Variants in RPA1 observed in about 807,000 individuals in gnomAD.
The protein encoded by RPA1 is replication protein A1, also known as replication protein A 70 kDa DNA-binding subunit.
A neutral mutation model predicts 83.0 loss-of-function variants in RPA1; 49 were observed. The ratio of observed to expected loss-of-function variants is 0.59; its 90% CI spans 0.47 to 0.75. The LOEUF (loss-of-function observed/expected upper bound fraction) is 0.75. RPA1 is among the 30% of genes least tolerant of loss of function. The pLI is 0.00. For missense variants in RPA1, 693 were observed against 776.1 expected, an observed-to-expected ratio of 0.89 and a Z score of 1.27; for synonymous variants, 279 against 281.8, an observed-to-expected ratio of 0.99 and a Z score of 0.10.
At chr17:1,849,450 G>A (rs925519249) in intron 4 of RPA1, among the ~76,000 whole-genome samples, 2 of 151,598 alleles carry the variant, frequency 1.3e-5, no homozygotes, top group African/African-American at 2.4e-5. Flanking sequence ...CCACCGCCAC[G>A]CCCGGCTAAT....
At chr17:1,841,044 C>T (rs187762437) in intron 1 of RPA1, among the ~76,000 whole-genome samples, 32 of 152,190 alleles carry the variant, frequency 2.1e-4, no homozygotes, top group Admixed American at 3.3e-4. Context: ...TCTAGCACGA[C>T]AGAGCGAAAC....
chr17:1,834,053 G>A (rs925679182), intron 1 of RPA1, among the ~76,000 whole-genome samples: 1 of 152,092 alleles, frequency 6.6e-6, no homozygotes, highest in Non-Finnish European at 1.5e-5. Context: ...GTTGGCGTGT[G>A]CCTGTAATCC....
At chr17:1,841,095 T>C (rs1912030970) in intron 1 of RPA1, among the ~76,000 whole-genome samples, 1 of 152,100 alleles carries the variant, frequency 6.6e-6, no homozygotes, top group Non-Finnish European at 1.5e-5. Flanking sequence ...GAAAGTTCTT[T>C]TGATGGTGTT....
rs1904625530 is a variant in RPA1, at chr17:1,884,318, G to A, written c.1374+374G>A. Among the ~76,000 whole-genome samples the A allele has an allele frequency of 7.5e-6, 1 of 134,152 alleles. No individual in the cohort carries two copies. The highest frequency in any genetic ancestry group is 3.1e-5 in the African/African-American group (1 of 32,156). The allele number at this position is 134,152 out of a possible 152,430, so 88.0% of individuals were successfully genotyped here. A position where few individuals can be genotyped will look rare whatever the true frequency, so the allele number is the denominator to read the frequency against. On this transcript the variant is annotated intron_variant, in intron 13 of 16. Coordinates refer to ENST00000254719, the MANE Select transcript of RPA1 (RefSeq NM_002945.5). This position sits in a 1 kb window ranked among gnomAD's most constrained non-coding sequence, Gnocchi z 4.1. Reference sequence around the variant, plus strand: ...CCCACATATCAAAAAGATGTTTTTTGAGATGAGCGTTAGTCCGCCTCAGGT... The same window carrying A: ...CCCACATATCAAAAAGATGTTTTTTAAGATGAGCGTTAGTCCGCCTCAGGT...
rs865781874 is a variant in RPA1 at position 1,897,135 on chromosome 17, G to A, written c.1811G>A (p.Arg604Gln). 1.3e-5 allele frequency: 21 copies of A among 1,566,538 alleles called. No homozygotes were observed. Among genetic ancestry groups the A allele is most frequent in the Admixed American group, 5.7e-5 (3 of 52,826 alleles). The change falls in exon 17 of 17, where the codon CGA becomes CAA. Residue 604 changes from arginine to glutamine, a missense_variant. Physicochemically the swap from Arg to Gln is conservative, Grantham distance 43 (BLOSUM62 1). Transcript: ENST00000254719. ...VKPVDYREYG[R>Q]RLVMSIRRSA... is the part of the protein sequence containing the mutation. ...CCCGTGGACTACAGAGAGTATGGCC[G>A]AAGGCTGGTCATGAGCATCAGGAGA...
intron 1 of RPA1, among the ~76,000 whole-genome samples, chr17:1,839,882 T>C (rs1021221007): frequency 4.8e-5 from 7 of 144,460 alleles, no homozygotes; most frequent in African/African-American, 1.8e-4. Context: ...AGCCTCTGCT[T>C]CCCAGATGCA....
intron 5 of RPA1, among the ~76,000 whole-genome samples, chr17:1,862,530 T>G (rs1913019550): frequency 6.7e-6 from 1 of 149,648 alleles, no homozygotes; most frequent in African/African-American, 2.5e-5. Context: ...GCTATCCTCA[T>G]GCCTCAGCCT....
chr17:1,845,070 C>T (rs539096401), intron 4 of RPA1, among the ~76,000 whole-genome samples: 3 of 151,842 alleles, frequency 2.0e-5, no homozygotes, highest in South Asian at 2.1e-4. Flanking sequence ...ATTACAGGTG[C>T]GAGCCATCAT....
intron 6 of RPA1, 82 bp from the exon 7 acceptor site, chr17:1,875,579 A>C (rs1913541905): frequency 6.8e-7 from 1 of 1,481,136 alleles, no homozygotes; most frequent in Non-Finnish European, 9.1e-7. Context: ...CACCTCCAAA[A>C]TTTAGAGTTA....
At chr17:1,892,084 G>A (rs1056562087) in intron 15 of RPA1, 144 bp downstream of exon 15, 77 of 452,824 alleles carry the variant, frequency 1.7e-4, no homozygotes, top group Admixed American at 8.1e-4. Context: ...TCAGCTCACC[G>A]CAGTCTCCGC....
intron 9 of RPA1, 60 bp from the exon 10 acceptor site, chr17:1,879,155 T>G: frequency 3.1e-6 from 5 of 1,609,086 alleles, no homozygotes; most frequent in Non-Finnish European, 4.3e-6. Context: ...GGTGGCAGAC[T>G]AGGGGTTTCT....
At chr17:1,865,212 A>G (rs1385132558) in intron 5 of RPA1, among the ~76,000 whole-genome samples, 1 of 152,244 alleles carries the variant, frequency 6.6e-6, no homozygotes, top group East Asian at 1.9e-4. Flanking sequence ...CCAAGGTCAC[A>G]CAATGGGTTG....
intron 1 of RPA1, among the ~76,000 whole-genome samples, chr17:1,842,154 G>C (rs917151777): frequency 3.3e-5 from 5 of 151,998 alleles, no homozygotes; most frequent in African/African-American, 1.2e-4. Flanking sequence ...TCTGCATGGG[G>C]TGGTCTTTGT....
Position 1,898,638 on chromosome 17 carries a change from G to A in RPA1, c.*1463G>A, listed in dbSNP as rs912322396. 7 of 152,380 alleles carry A rather than the reference G, an allele frequency of 4.6e-5. 1 individual carries two copies. Among genetic ancestry groups the A allele is most frequent in the Middle Eastern group, 3.4e-3 (1 of 294 alleles). The allele number at this position is 152,380 out of a possible 1,614,324, so 9.4% of individuals were successfully genotyped here. A position where few individuals can be genotyped will look rare whatever the true frequency, so the allele number is the denominator to read the frequency against. Reference sequence around the variant, plus strand: ...TCTGTCTCCCCCCTCGGTGTCTGCCGTTGACATAGGGGCCAGCCAGCCCTA... The same window carrying A: ...TCTGTCTCCCCCCTCGGTGTCTGCCATTGACATAGGGGCCAGCCAGCCCTA... On this transcript the variant is annotated 3_prime_UTR_variant, in exon 17 of 17. Transcript: ENST00000254719.
intron 12 of RPA1, among the ~76,000 whole-genome samples, chr17:1,880,981 C>T (rs923497721): frequency 2.0e-5 from 3 of 152,180 alleles, no homozygotes; most frequent in African/African-American, 7.2e-5. Flanking sequence ...GCTTCAGCAG[C>T]GGTGTGCTGA....
Position 1,853,151 on chromosome 17 carries a change from T to C in RPA1, c.323T>C (p.Val108Ala), listed in dbSNP as rs1457193252. Residue 108 changes from valine (V) to alanine (A), a missense_variant, in exon 5 of 17, where the codon GTT (valine) becomes GCT (alanine). Val to Ala is a moderately conservative substitution (Grantham distance 64). Coordinates refer to ENST00000254719, the MANE Select transcript of RPA1 (RefSeq NM_002945.5). The part of the protein sequence containing the change: ...ELEVLKSAEA[V>A]GVKIGNPVPY... ...GAAGTTTTGAAGTCAGCTGAAGCAG[T>C]TGGAGTGAAGATTGGCAATCCAGTG... 7 of 1,614,060 alleles carry C rather than the reference T, an allele frequency of 4.3e-6. No homozygotes were observed. Among genetic ancestry groups the C allele is most frequent in the Admixed American group, 1.7e-5 (1 of 59,984 alleles).
At chr17:1,889,784 G>A (rs1567828100) in intron 14 of RPA1, among the ~76,000 whole-genome samples, 2 of 152,090 alleles carry the variant, frequency 1.3e-5, no homozygotes, top group African/African-American at 4.8e-5. Context: ...TGCGTCACCT[G>A]AGATCAGGAG....
intron 5 of RPA1, among the ~76,000 whole-genome samples, chr17:1,869,643 T>TA (rs1327571385): frequency 6.6e-6 from 1 of 152,194 alleles, no homozygotes; most frequent in East Asian, 1.9e-4. Flanking sequence ...CCTGTCTTAT[T>TA]AGAATGGTTT....
At chr17:1,849,618 GT>G (rs879833245) in intron 4 of RPA1, among the ~76,000 whole-genome samples, 2,898 of 136,276 alleles carry the variant, frequency 0.021, 84 homozygotes, top group African/African-American at 0.069. Flanking sequence ...TTGTCATTTT[GT>G]TTTTTTTTTT....
Sources: allele counts gnomAD v4.1 joint callset (sites outside exome capture counted in the v4.1 genomes callset), GRCh38; gene constraint gnomAD v4.1.1; non-coding constraint Gnocchi (gnomAD v3.1); transcripts MANE v1.5; gene names NCBI Gene and HGNC (gene_info 2026-07-23, HGNC 2026-07-21).